STIP1: variants seen among roughly 807,000 people sequenced by gnomAD.
STIP1 encodes the protein stress-induced-phosphoprotein 1.
A neutral mutation model predicts 77.4 loss-of-function variants in STIP1; 16 were observed. That is an observed-to-expected ratio of 0.21 (90% CI 0.14 to 0.31). The LOEUF (loss-of-function observed/expected upper bound fraction) is 0.31, where lower values mean the gene tolerates loss of function less well. Among genes scored for constraint, STIP1 ranks in the 10% least tolerant of loss-of-function variants. STIP1 has a pLI of 1.00. For missense variants in STIP1, 524 were observed against 684.8 expected (o/e 0.77, Z 2.62); for synonymous variants, 258 against 246.6 (o/e 1.05, Z -0.44).
At chr11:64,200,784 G>A (rs1946211173) in intron 10 of STIP1, among the ~76,000 whole-genome samples, 1 of 151,950 alleles carries the variant, frequency 6.6e-6, no homozygotes, top group African/African-American at 2.4e-5. Context: ...GAATTGCTGG[G>A]TCATGTGGTG....
At chr11:64,197,225 C>CA in intron 5 of STIP1, 46 bp from the exon 6 acceptor site, 1 of 1,606,166 alleles carries the variant, frequency 6.2e-7, no homozygotes, top group Non-Finnish European at 8.5e-7. Flanking sequence ...CTTGCTTTGT[C>CA]ACCTGAGTTA....
chr11:64,203,261 C>CT, intron 12 of STIP1, 33 bp downstream of exon 12: 1 of 1,609,680 alleles, frequency 6.2e-7, no homozygotes, highest in East Asian at 2.2e-5. Context: ...GGGGCCCCCC[C>CT]TGCCTCTTTC....
rs1179556355 is a variant in STIP1, at chr11:64,204,403, A to G, written c.*277A>G. On this transcript the variant is annotated 3_prime_UTR_variant, in exon 14 of 14. Coordinates refer to ENST00000305218, the MANE Select transcript of STIP1 (RefSeq NM_006819.3). ...GTTGCTGTCTCGGCTGCTCTCCCAT[A>G]GTTGGTTTTTTTTTTATTTGGGGCA... 4.6e-6 allele frequency: 2 copies of G among 438,610 alleles called. No individual in the cohort carries two copies. The highest frequency in any genetic ancestry group is 8.0e-6 in the Non-Finnish European group (2 of 248,608). The allele number at this position is 438,610 out of a possible 1,614,324, so 27.2% of individuals were successfully genotyped here.
chr11:64,200,341 G>T, intron 10 of STIP1, 48 bp downstream of exon 10: 1 of 1,564,920 alleles, frequency 6.4e-7, no homozygotes, highest in South Asian at 1.2e-5. Flanking sequence ...TGCACATGAG[G>T]AGTGGGTTTT....
rs372650145 is a variant in STIP1 at position 64,204,170 on chromosome 11, G to A, written c.*44G>A. 1.9e-6 allele frequency: 3 copies of A among 1,609,834 alleles called. No homozygotes were observed. Among genetic ancestry groups the A allele is most frequent in the African/African-American group, 1.3e-5 (1 of 74,894 alleles). Reference sequence around the variant, plus strand: ...TTCCCTTCGCCCTCATGTGGAAAGAGGAGCTGGGACCGCGGCGAGCAGCAC... The same window carrying A: ...TTCCCTTCGCCCTCATGTGGAAAGAAGAGCTGGGACCGCGGCGAGCAGCAC... On this transcript the variant is annotated 3_prime_UTR_variant, in exon 14 of 14. Transcript: ENST00000305218.
intron 8 of STIP1, 133 bp from the exon 9 acceptor site, chr11:64,199,807 C>G: frequency 1.1e-6 from 1 of 880,806 alleles, no homozygotes; most frequent in South Asian, 1.6e-5. Flanking sequence ...TCGTGATCCA[C>G]CCGCCTCGGC....
intron 1 of STIP1, among the ~76,000 whole-genome samples, chr11:64,192,140 C>A (rs1480891187): frequency 6.6e-6 from 1 of 152,120 alleles, no homozygotes; most frequent in Non-Finnish European, 1.5e-5. Context: ...ATGGTGAAAC[C>A]CCGTCTCTAC....
chr11:64,192,388 A>T (rs1177419629), intron 1 of STIP1, among the ~76,000 whole-genome samples: 3 of 152,228 alleles, frequency 2.0e-5, no homozygotes, highest in African/African-American at 7.2e-5. Context: ...GGAGAGGTTT[A>T]AACCACAGTA....
chr11:64,194,472 T>G lies in STIP1; in HGVS notation c.362-7T>G. ...TCATAGTGATGTGCTTTCCTTTATT[T>G]GGACAGAGAGAAAATTCATGAACCC... On this transcript the variant is annotated splice_region_variant and splice_polypyrimidine_tract_variant and intron_variant, in intron 3 of 13. Transcript: ENST00000305218. 1.2e-6 allele frequency: 2 copies of G among 1,614,130 alleles called. No homozygotes were observed. The highest frequency in any genetic ancestry group is 2.2e-5 in the South Asian group (2 of 91,080).
At chr11:64,195,584 A>C in intron 4 of STIP1, 61 bp from the exon 5 acceptor site, 1 of 1,478,396 alleles carries the variant, frequency 6.8e-7, no homozygotes, top group Non-Finnish European at 9.0e-7. Flanking sequence ...GTGGGAGTTA[A>C]AAGACTAATT....
upstream of STIP1, chr11:64,185,695 G>T (rs1042837681): frequency 9.4e-6 from 12 of 1,282,210 alleles, no homozygotes; most frequent in Middle Eastern, 2.2e-4. Flanking sequence ...GACTGCAGCC[G>T]GTACTCCCAT....
intron 10 of STIP1, 57 bp from the exon 11 acceptor site, chr11:64,202,819 C>T (rs1946234115): frequency 6.2e-7 from 1 of 1,607,496 alleles, no homozygotes; most frequent in Non-Finnish European, 8.5e-7. Context: ...CTTGAGTTGC[C>T]TGTACTGAGC....
intron 1 of STIP1, among the ~76,000 whole-genome samples, chr11:64,191,883 C>T (rs1165835160): frequency 2.6e-5 from 4 of 152,020 alleles, no homozygotes; most frequent in African/African-American, 9.7e-5. Flanking sequence ...CCAACAGAGG[C>T]ACACCTCACT....
chr11:64,191,608 A>C (rs566750426), intron 1 of STIP1, among the ~76,000 whole-genome samples: 14 of 152,148 alleles, frequency 9.2e-5, no homozygotes, highest in Non-Finnish European at 1.6e-4. Flanking sequence ...CTGTCTCAAA[A>C]AATAATAATA....
rs761131690 is a variant in STIP1 at position 64,203,194 on chromosome 11, A to G, written c.1352A>G (p.Tyr451Cys). The G allele has an allele frequency of 6.2e-7, 1 of 1,614,202 alleles. No individual in the cohort carries two copies. The highest frequency in any genetic ancestry group is 8.5e-7 in the Non-Finnish European group (1 of 1,180,048). The change falls in exon 12 of 14, where the codon TAC becomes TGC. Residue 451 changes from tyrosine to cysteine, a missense_variant. By Grantham distance (194) the Tyr-to-Cys change is radical (BLOSUM62 -2). Transcript: ENST00000305218. ...MKDYTKAMDV[Y>C]QKALDLDSSC... The stretch of plus-strand genomic sequence containing the variant: ...GACTACACCAAAGCCATGGATGTGT[A>G]CCAGAAGGCGCTAGACCTGGACTCC...
chr11:64,201,036 T>TCAAAAAAAAA (rs1565283378), intron 10 of STIP1, among the ~76,000 whole-genome samples: 1 of 129,826 alleles, frequency 7.7e-6, no homozygotes, highest in African/African-American at 3.0e-5. Flanking sequence ...CCCCTTTTTT[T>TCAAAAAAAAA]AAAAAAAAAA....
intron 3 of STIP1, 25 bp from the exon 4 acceptor site, chr11:64,194,454 G>A (rs879458268): frequency 1.4e-5 from 23 of 1,613,710 alleles, no homozygotes; most frequent in Non-Finnish European, 1.8e-5. Flanking sequence ...ATTTCATAGT[G>A]ATGTGCTTTC....
chr11:64,189,598 A>G (rs2701528), intron 1 of STIP1, among the ~76,000 whole-genome samples: 5,781 of 152,180 alleles, frequency 0.038, 370 homozygotes, highest in African/African-American at 0.13. Context: ...AAATCCCACA[A>G]TGATACACTT....
At position 64,197,472 on chromosome 11, in the gene STIP1, C is replaced by T. The variant is rs2515239; in HGVS notation, c.800-21C>T. ...AGGAAGCAAAGACTGACTGTTCCTT[C>T]TTAACCATCCTGCCTGGCAGCGGTA... On this transcript the variant is annotated intron_variant, in intron 6 of 13. Coordinates refer to ENST00000305218, the MANE Select transcript of STIP1 (RefSeq NM_006819.3). 11,344 of 1,614,052 alleles carry T rather than the reference C, an allele frequency of 7.0e-3. 715 individuals carry two copies. In the African/African-American group the frequency reaches 0.14, roughly 19 times the overall value.
Sources: gnomAD v4.1 joint callset for allele counts (sites outside exome capture counted in the v4.1 genomes callset) on GRCh38, gnomAD v4.1.1 for gene constraint, MANE v1.5 for transcripts, NCBI Gene and HGNC (gene_info 2026-07-23, HGNC 2026-07-21) for gene names.